SI: variants seen among roughly 807,000 people sequenced by gnomAD.
SI encodes sucrase-isomaltase, intestinal.
SI carries 235 observed loss-of-function variants against 253.3 expected under a neutral mutation model. The ratio of observed to expected loss-of-function variants is 0.93; its 90% CI spans 0.83 to 1.03. The LOEUF is 1.03. Ranked by LOEUF, SI falls within the 50% of genes least tolerant of loss-of-function variation. SI has a pLI of 0.00. For missense variants in SI, 2,442 were observed against 2,211.1 expected (o/e 1.10, Z -2.09); for synonymous variants, 819 against 712.0 (o/e 1.15, Z -2.39).
chr3:165,015,008 T>G (rs1340125293), intron 33 of SI, 115 bp downstream of exon 33: 2 of 736,704 alleles, frequency 2.7e-6, no homozygotes, highest in Non-Finnish European at 4.7e-6. Flanking sequence ...AGTTATTAAA[T>G]CATTACATTT....
At chr3:165,054,923 A>G (rs1713620874) in intron 13 of SI, among the ~76,000 whole-genome samples, 1 of 152,190 alleles carries the variant, frequency 6.6e-6, no homozygotes. Flanking sequence ...TTAGTCATAA[A>G]GGAACAAAAC....
chr3:165,057,400 GAGAGAT>G (rs1035557731), intron 12 of SI, among the ~76,000 whole-genome samples: 1 of 151,836 alleles, frequency 6.6e-6, no homozygotes, highest in African/African-American at 2.4e-5. Flanking sequence ...AGTAGAGAGA[GAGAGAT>G]AGAAAGTATA....
intron 40 of SI, among the ~76,000 whole-genome samples, chr3:164,996,071 C>G (rs908361007): frequency 1.3e-5 from 2 of 151,754 alleles, no homozygotes; most frequent in Non-Finnish European, 2.9e-5. Flanking sequence ...TGGTTCCGTT[C>G]TGCCTACAAT....
chr3:165,058,892 A>AC, intron 12 of SI, 71 bp downstream of exon 12: 7 of 1,288,504 alleles, frequency 5.4e-6, no homozygotes, highest in South Asian at 1.2e-5. Context: ...ACACACGCAC[A>AC]TCCACAGAAA....
chr3:165,000,438 A>C (rs1176570137), intron 37 of SI, among the ~76,000 whole-genome samples: 2 of 151,510 alleles, frequency 1.3e-5, no homozygotes, highest in African/African-American at 4.8e-5. Flanking sequence ...AAAGAATTTT[A>C]AATGTTCTCA....
chr3:165,063,243 T>G (rs1204249632), intron 8 of SI, among the ~76,000 whole-genome samples, 199 bp downstream of exon 8: 2 of 152,068 alleles, frequency 1.3e-5, no homozygotes, highest in Non-Finnish European at 2.9e-5. Flanking sequence ...CATAGCATAC[T>G]CTCCCCAAAA....
upstream of SI, among the ~76,000 whole-genome samples, chr3:165,078,737 GTTCT>G (rs893432268): frequency 6.6e-5 from 10 of 151,348 alleles, no homozygotes; most frequent in Admixed American, 4.0e-4. Flanking sequence ...CATAAAAGTA[GTTCT>G]TTCTATTTTT....
At chr3:165,083,326 AT>A (rs763225269), upstream of SI, among the ~76,000 whole-genome samples, 2 of 151,162 alleles carry the variant, frequency 1.3e-5, no homozygotes, top group African/African-American at 2.4e-5. Context: ...TCCATAGTAC[AT>A]TTTTTTTTAA....
intron 9 of SI, among the ~76,000 whole-genome samples, chr3:165,061,080 A>G (rs940516748): frequency 6.6e-6 from 1 of 151,716 alleles, no homozygotes; most frequent in Non-Finnish European, 1.5e-5. Context: ...CCTAAACACC[A>G]TATGTTCCAT....
chr3:164,992,288 A>C, intron 42 of SI, 25 bp downstream of exon 42: 11 of 1,612,292 alleles, frequency 6.8e-6, no homozygotes, highest in Non-Finnish European at 9.3e-6. Flanking sequence ...AAATTGTGTA[A>C]ACAAAAATAT....
rs1454619744 is a variant in SI at position 165,031,444 on chromosome 3, AT to A, written c.2737-578del. ...TATTGCATACATAACCAATAAAATT[AT>A]TTTTTATTATTCCCTCTTTTAATCT... On this transcript the variant is annotated intron_variant, in intron 24 of 47. Coordinates refer to ENST00000264382, the MANE Select transcript of SI (RefSeq NM_001041.4). 8.0e-5 allele frequency among the ~76,000 whole-genome samples: 12 copies of A among 149,198 alleles called. No individual in the cohort carries two copies. The East Asian group carries it at 2.4e-3, about 29-fold the overall frequency.
At chr3:165,013,548 C>A (rs576554843) in intron 33 of SI, among the ~76,000 whole-genome samples, 9 of 152,226 alleles carry the variant, frequency 5.9e-5, no homozygotes, top group African/African-American at 2.2e-4. Context: ...TATTCCCAGC[C>A]TGACCTCATT....
chr3:164,988,881 T>A (rs952844803), intron 44 of SI, among the ~76,000 whole-genome samples: 6 of 151,846 alleles, frequency 4.0e-5, no homozygotes, highest in African/African-American at 1.5e-4. Flanking sequence ...CAGGTAGAGG[T>A]TCTCAGGCAA....
At chr3:165,085,551 C>T in the SI span, among the ~76,000 whole-genome samples, 1 of 152,134 alleles carries the variant, frequency 6.6e-6, no homozygotes, top group Non-Finnish European at 1.5e-5. Flanking sequence ...CTCTAATATT[C>T]ACATTTACCA....
chr3:165,032,144 T>A (rs1712279479), intron 24 of SI, among the ~76,000 whole-genome samples: 1 of 151,278 alleles, frequency 6.6e-6, no homozygotes, highest in Admixed American at 6.6e-5. Context: ...ACAAAACCAA[T>A]TTGTTAAAGA....
Position 165,049,887 on chromosome 3 carries a change from C to CA in SI, c.1513-13dup. On this transcript the variant is annotated splice_polypyrimidine_tract_variant and intron_variant, in intron 13 of 47. Transcript: ENST00000264382. ...ACTTCATTCATGTCCTGAATGGATA[C>CA]AAAATGAAGAACAGCAGATTTTACA... 6.6e-7 allele frequency: 1 copy of CA among 1,520,096 alleles called. No individual in the cohort carries two copies. The allele number at this position is 1,520,096 out of a possible 1,614,324, so 94.2% of individuals were successfully genotyped here. A position where few individuals can be genotyped will look rare whatever the true frequency, so the allele number is the denominator to read the frequency against.
At chr3:165,077,240 C>G (rs1486860298) in intron 1 of SI, among the ~76,000 whole-genome samples, 2 of 151,592 alleles carry the variant, frequency 1.3e-5, no homozygotes, top group Non-Finnish European at 3.0e-5. Context: ...TCCCCATCCA[C>G]TCTTCTAGGT....
chr3:164,987,607 G>T (rs1295301340), intron 44 of SI, among the ~76,000 whole-genome samples: 1 of 152,040 alleles, frequency 6.6e-6, no homozygotes, highest in Non-Finnish European at 1.5e-5. Flanking sequence ...TACTTGGGAG[G>T]CTGAGGCAGG....
At position 164,990,956 on chromosome 3, in the gene SI, T is replaced by A. The variant is rs574445501; in HGVS notation, c.5108+397A>T. On this transcript the variant is annotated intron_variant, in intron 44 of 47. Coordinates refer to ENST00000264382, the MANE Select transcript of SI (RefSeq NM_001041.4). Reference sequence around the variant, plus strand: ...GTTTCTTTTTAAAAATTCTTAATATTTCTTTTGACTGTCCAATATAAAAAA... The same window carrying A: ...GTTTCTTTTTAAAAATTCTTAATATATCTTTTGACTGTCCAATATAAAAAA... 5.3e-5 allele frequency among the ~76,000 whole-genome samples: 8 copies of A among 152,178 alleles called. No homozygotes were observed. In the South Asian group the frequency reaches 1.7e-3, roughly 32 times the overall value.
Sources: gnomAD v4.1 joint callset for allele counts (sites outside exome capture counted in the v4.1 genomes callset) on GRCh38, gnomAD v4.1.1 for gene constraint, MANE v1.5 for transcripts, NCBI Gene and HGNC (gene_info 2026-07-23, HGNC 2026-07-21) for gene names.